SUCLG2: variants seen among roughly 807,000 people sequenced by gnomAD.
SUCLG2 encodes succinate--CoA ligase [GDP-forming] subunit beta, mitochondrial.
SUCLG2 carries 42 observed loss-of-function variants against 47.9 expected under a neutral mutation model. The observed-to-expected ratio is 0.88, with a 90% CI of 0.69 to 1.14. SUCLG2 has a LOEUF of 1.14. Among genes scored for constraint, SUCLG2 ranks in the 50% most tolerant of loss-of-function variants. The pLI is 0.00. For missense variants in SUCLG2, 571 were observed against 525.9 expected, an observed-to-expected ratio of 1.09 and a Z score of -0.84; for synonymous variants, 195 against 197.3, an observed-to-expected ratio of 0.99 and a Z score of 0.10.
chr3:67,569,093 C>A (rs1342757336), intron 2 of SUCLG2, among the ~76,000 whole-genome samples: 2 of 152,090 alleles, frequency 1.3e-5, no homozygotes, highest in Non-Finnish European at 2.9e-5. Context: ...AACTGGAATC[C>A]TGAAATTATC....
chr3:67,481,901 G>A (rs1184454402), intron 9 of SUCLG2, among the ~76,000 whole-genome samples: 1 of 152,224 alleles, frequency 6.6e-6, no homozygotes, highest in African/African-American at 2.4e-5. Flanking sequence ...ATTGTTGGCA[G>A]GGCGTGGTGG....
intron 2 of SUCLG2, among the ~76,000 whole-genome samples, chr3:67,550,632 C>T (rs1269122837): frequency 6.6e-6 from 1 of 152,158 alleles, no homozygotes; most frequent in Non-Finnish European, 1.5e-5. Flanking sequence ...CCCAGCCAAA[C>T]CGTCTCCTTT....
chr3:67,504,613 G>A (rs1368732490), intron 7 of SUCLG2, among the ~76,000 whole-genome samples: 1 of 152,144 alleles, frequency 6.6e-6, no homozygotes, highest in Non-Finnish European at 1.5e-5. Flanking sequence ...TGTGAACAGG[G>A]ACCATCCTGT....
At chr3:67,595,855 G>A (rs1646189793) in intron 2 of SUCLG2, among the ~76,000 whole-genome samples, 1 of 152,238 alleles carries the variant, frequency 6.6e-6, no homozygotes, top group Admixed American at 6.5e-5. Context: ...AATATTTGAT[G>A]AGAGCATAAG....
chr3:67,509,756 G>C (rs778768890), intron 6 of SUCLG2, among the ~76,000 whole-genome samples: 4 of 152,106 alleles, frequency 2.6e-5, no homozygotes, highest in Non-Finnish European at 5.9e-5. Flanking sequence ...CTCATTCCCA[G>C]CTCCATTTTC....
chr3:67,510,600 T>A (rs999651704), intron 6 of SUCLG2, among the ~76,000 whole-genome samples: 3 of 152,180 alleles, frequency 2.0e-5, no homozygotes, highest in Non-Finnish European at 1.5e-5. Context: ...AATACCTCTT[T>A]ACTTAACAGA....
At position 67,457,162 on chromosome 3, in the gene SUCLG2, A is replaced by G. The variant is rs562506245; in HGVS notation, c.1062+38636T>C. ...GAAAGAATGGTCCTTCCTCTCTCCAATCTCCATTTTTGGGTGCTGCTAATG... is the reference window on the plus strand; with the variant it reads ...GAAAGAATGGTCCTTCCTCTCTCCAGTCTCCATTTTTGGGTGCTGCTAATG... On this transcript the variant is annotated intron_variant, in intron 9 of 10. Coordinates refer to ENST00000307227, the MANE Select transcript of SUCLG2 (RefSeq NM_003848.4). Among the ~76,000 whole-genome samples, 27 of 152,014 alleles carry G rather than the reference A, an allele frequency of 1.8e-4. No homozygotes were observed. In the South Asian group the frequency reaches 3.7e-3, roughly 21 times the overall value.
intron 9 of SUCLG2, among the ~76,000 whole-genome samples, chr3:67,414,775 C>A (rs149669978): frequency 1.3e-5 from 2 of 152,324 alleles, no homozygotes; most frequent in African/African-American, 4.8e-5. Context: ...GCTTTCCAAA[C>A]CAGTGCATCT....
chr3:67,646,181 C>T (rs1374383802), intron 1 of SUCLG2, among the ~76,000 whole-genome samples: 2 of 152,004 alleles, frequency 1.3e-5, no homozygotes, highest in South Asian at 2.1e-4. Context: ...TACCCAGAGC[C>T]CTGAGCCCTG....
chr3:67,386,198 C>T lies in SUCLG2; in HGVS notation c.1184-10339G>A, dbSNP rs534128576. 3.5e-3 allele frequency among the ~76,000 whole-genome samples: 533 copies of T among 152,242 alleles called. 2 individuals are homozygous for T. The highest frequency in any genetic ancestry group is 4.1e-3 in the Non-Finnish European group (280 of 67,998). ...CCGCCTCCCAGGTTCACGCCATTCTCCTGCCTCAGCCTCCCAAGTAGTTGG... is the reference window on the plus strand; with the variant it reads ...CCGCCTCCCAGGTTCACGCCATTCTTCTGCCTCAGCCTCCCAAGTAGTTGG... On this transcript the variant is annotated intron_variant, in intron 10 of 10. Coordinates refer to ENST00000307227, the MANE Select transcript of SUCLG2 (RefSeq NM_003848.4).
intron 2 of SUCLG2, among the ~76,000 whole-genome samples, chr3:67,566,400 T>TA (rs1052773549): frequency 9.9e-5 from 15 of 152,222 alleles, no homozygotes; most frequent in South Asian, 8.3e-4. Context: ...ATGTTAATGT[T>TA]AAAAAAAGCT....
intron 2 of SUCLG2, among the ~76,000 whole-genome samples, chr3:67,533,223 G>C (rs2107155900): frequency 6.6e-6 from 1 of 152,294 alleles, no homozygotes; most frequent in South Asian, 2.1e-4. Flanking sequence ...ACAGTTCAGT[G>C]ATGAGTCAAC....
In SUCLG2 at chr3:67,518,351, T is replaced by A; in HGVS notation, c.571-15A>T. Reference sequence around the variant, plus strand: ...TCAATTTGCTCCTAGTAAAAATAAATCAAATAAACAAAATTCAGACAGTCA... The same window carrying A: ...TCAATTTGCTCCTAGTAAAAATAAAACAAATAAACAAAATTCAGACAGTCA... On this transcript the variant is annotated splice_polypyrimidine_tract_variant and intron_variant, in intron 5 of 10. Coordinates refer to ENST00000307227, the MANE Select transcript of SUCLG2 (RefSeq NM_003848.4). The A allele has an allele frequency of 6.2e-7, 1 of 1,600,046 alleles. No individual in the cohort carries two copies. Among genetic ancestry groups the A allele is most frequent in the Non-Finnish European group, 8.5e-7 (1 of 1,171,160 alleles).
At chr3:67,416,033 C>T (rs1341815877) in intron 9 of SUCLG2, among the ~76,000 whole-genome samples, 1 of 152,204 alleles carries the variant, frequency 6.6e-6, no homozygotes, top group Non-Finnish European at 1.5e-5. Context: ...AGGCCTCCTA[C>T]CAACTGCCAT....
At chr3:67,510,953 C>T (rs917359992) in intron 6 of SUCLG2, among the ~76,000 whole-genome samples, 13 of 148,412 alleles carry the variant, frequency 8.8e-5, no homozygotes, top group Non-Finnish European at 1.5e-4. Context: ...TGCAATGGCG[C>T]GATCTCAGCT....
At chr3:67,645,281 A>G (rs565493014) in intron 1 of SUCLG2, among the ~76,000 whole-genome samples, 68 of 152,270 alleles carry the variant, frequency 4.5e-4, no homozygotes, top group Non-Finnish European at 8.4e-4. Flanking sequence ...TCATATACTC[A>G]TATCAAACAA....
intron 10 of SUCLG2, among the ~76,000 whole-genome samples, chr3:67,383,498 C>T (rs559148938): frequency 6.6e-6 from 1 of 152,256 alleles, no homozygotes; most frequent in South Asian, 2.1e-4. Flanking sequence ...TGTATCCACA[C>T]CTAATCTCCT....
At chr3:67,390,969 T>C (rs1017859500) in intron 10 of SUCLG2, among the ~76,000 whole-genome samples, 1 of 152,224 alleles carries the variant, frequency 6.6e-6, no homozygotes, top group Non-Finnish European at 1.5e-5. Context: ...CAGGTGTTCA[T>C]TATGACTCCA....
At chr3:67,531,056 T>C (rs1313192111) in intron 2 of SUCLG2, among the ~76,000 whole-genome samples, 1 of 152,200 alleles carries the variant, frequency 6.6e-6, no homozygotes, top group Non-Finnish European at 1.5e-5. Context: ...TTCTGTAAAG[T>C]AGTCATATTA....
Sources: allele counts gnomAD v4.1 joint callset (sites outside exome capture counted in the v4.1 genomes callset), GRCh38; gene constraint gnomAD v4.1.1; transcripts MANE v1.5; gene names NCBI Gene and HGNC (gene_info 2026-07-23, HGNC 2026-07-21).